GKN1: variants seen among roughly 807,000 people sequenced by gnomAD.
GKN1 encodes the protein gastrokine-1.
A neutral mutation model predicts 19.7 loss-of-function variants in GKN1; 17 were observed. That is an observed-to-expected ratio of 0.86 (90% confidence interval 0.59 to 1.29). GKN1 has a LOEUF of 1.29. Among genes scored for constraint, GKN1 ranks in the 50% most tolerant of loss-of-function variants. GKN1 has a pLI of 0.00. For synonymous variants in GKN1, 96 were observed against 78.3 expected, an observed-to-expected ratio of 1.23 and a Z score of -1.20; for missense variants, 218 against 224.5, an observed-to-expected ratio of 0.97 and a Z score of 0.19.
At chr2:68,976,885 CATAAT>C (rs1670269599) in intron 1 of GKN1, among the ~76,000 whole-genome samples, 1 of 152,106 alleles carries the variant, frequency 6.6e-6, no homozygotes. Flanking sequence ...GTTTATATTA[CATAAT>C]ATAATTCAAC....
rs748381448 is a variant in GKN1 at position 68,978,329 on chromosome 2, AAGAG to A, written c.205-538_205-535del. ...AAGAAAGAAAAAGAAAAAAGAGAGA[AAGAG>A]AGAAGGAAAGAAAGAGAGAAGGAAA... On this transcript the variant is annotated intron_variant, in intron 3 of 5. Transcript: ENST00000377938. 6.6e-4 allele frequency among the ~76,000 whole-genome samples: 100 copies of A among 150,548 alleles called. 1 individual carries two copies. Among genetic ancestry groups the A allele is most frequent in the Admixed American group, 8.6e-4 (13 of 15,172 alleles).
chr2:68,979,050 G>T, intron 4 of GKN1, 69 bp downstream of exon 4: 2 of 756,390 alleles, frequency 2.6e-6, no homozygotes, highest in Non-Finnish European at 2.3e-6. Flanking sequence ...ATAACGAGAA[G>T]ATCACAGTCA....
intron 1 of GKN1, among the ~76,000 whole-genome samples, chr2:68,977,190 A>G (rs1670273622): frequency 6.6e-6 from 1 of 152,182 alleles, no homozygotes; most frequent in Non-Finnish European, 1.5e-5. Flanking sequence ...ATGAGATGAA[A>G]GCAGCTTTCC....
chr2:68,979,925 G>A lies in GKN1; in HGVS notation c.328G>A (p.Gly110Arg). 1 of 1,613,496 alleles carries A rather than the reference G, an allele frequency of 6.2e-7. No homozygotes were observed. Among genetic ancestry groups the A allele is most frequent in the Non-Finnish European group, 8.5e-7 (1 of 1,179,478 alleles). Residue 110 changes from glycine (G) to arginine (R), a missense_variant, in exon 5 of 6, where the codon GGA becomes AGA. Gly to Arg is a moderately radical substitution (Grantham distance 125). Transcript: ENST00000377938. ...LVKEKKLQGK[G>R]PGGPPPKGLM... ...TTTCCACACTCAGCTTCAGGGTAAG[G>A]GACCAGGAGGACCACCTCCCAAGGG...
intron 4 of GKN1, 44 bp downstream of exon 4, chr2:68,979,025 T>C: frequency 1.1e-6 from 1 of 895,226 alleles, no homozygotes; most frequent in Non-Finnish European, 1.9e-6. Context: ...GGAGAGGTTT[T>C]ACATCCTTCA....
chr2:68,979,077 G>A, intron 4 of GKN1, 96 bp downstream of exon 4: 6 of 662,960 alleles, frequency 9.1e-6, no homozygotes, highest in Non-Finnish European at 1.6e-5. Flanking sequence ...CTTGACTACA[G>A]TATGTTGTAG....
chr2:68,979,814 C>T (rs908572664), intron 4 of GKN1, 99 bp from the exon 5 acceptor site: 61 of 917,918 alleles, frequency 6.6e-5, no homozygotes, highest in Non-Finnish European at 9.4e-5. Flanking sequence ...CTGAGCAACA[C>T]TCACTGTTGG....
chr2:68,979,048 A>G (rs1009910391), intron 4 of GKN1, 67 bp downstream of exon 4: 1 of 764,176 alleles, frequency 1.3e-6, no homozygotes, highest in African/African-American at 1.8e-5. Flanking sequence ...AAATAACGAG[A>G]AGATCACAGT....
chr2:68,976,294 A>G (rs1018414056), intron 1 of GKN1, among the ~76,000 whole-genome samples: 2 of 152,144 alleles, frequency 1.3e-5, no homozygotes, highest in African/African-American at 4.8e-5. Context: ...ATACTATGCT[A>G]TTTATTGTAA....
intron 2 of GKN1, 34 bp downstream of exon 2, chr2:68,977,582 T>C: frequency 6.2e-7 from 1 of 1,605,154 alleles, no homozygotes; most frequent in South Asian, 1.1e-5. Context: ...GCTACCAAAA[T>C]GCATTTGCAA....
chr2:68,974,833 AG>A (rs1285306116), intron 1 of GKN1, 144 bp downstream of exon 1: 1 of 644,528 alleles, frequency 1.6e-6, no homozygotes, highest in Non-Finnish European at 2.9e-6. Context: ...GGACACAGAG[AG>A]GGGAACAACA....
chr2:68,977,616 T>C (rs1226958208), intron 2 of GKN1, 21 bp from the exon 3 acceptor site: 1 of 1,607,676 alleles, frequency 6.2e-7, no homozygotes. Context: ...TAAATCACTC[T>C]CAATCTCTTA....
chr2:68,978,093 A>G (rs537670353), intron 3 of GKN1: 4 of 288,604 alleles, frequency 1.4e-5, no homozygotes, highest in Non-Finnish European at 2.6e-5. Flanking sequence ...CTTATACAAC[A>G]TTACTGCTTC....
At chr2:68,977,856 A>T in intron 3 of GKN1, 82 bp downstream of exon 3, 1 of 1,117,932 alleles carries the variant, frequency 8.9e-7, no homozygotes, top group East Asian at 2.4e-5. Context: ...GTTAACCATA[A>T]AGAAATTAAA....
intron 4 of GKN1, 123 bp from the exon 5 acceptor site, chr2:68,979,790 A>T: frequency 1.4e-6 from 1 of 711,342 alleles, no homozygotes; most frequent in Non-Finnish European, 2.4e-6. Flanking sequence ...CATCTTGATT[A>T]TGGAAAAATT....
intron 3 of GKN1, among the ~76,000 whole-genome samples, chr2:68,978,316 GA>G (rs1670307959): frequency 7.0e-6 from 1 of 142,078 alleles, no homozygotes; most frequent in African/African-American, 2.7e-5. Context: ...GAAAGAAAAA[GA>G]AAAAAGAGAG....
chr2:68,977,893 CA>C, intron 3 of GKN1, 119 bp downstream of exon 3: 1 of 633,830 alleles, frequency 1.6e-6, no homozygotes, highest in Non-Finnish European at 2.3e-6. Context: ...ACATAGCATA[CA>C]GTTATAAGTA....
intron 3 of GKN1, among the ~76,000 whole-genome samples, chr2:68,978,296 G>GAAAGAA (rs796222573): frequency 3.9e-5 from 4 of 102,436 alleles, no homozygotes; most frequent in East Asian, 3.7e-4. Flanking sequence ...AAGAAAGAAA[G>GAAAGAA]AGAGAGAAAG....
intron 1 of GKN1, among the ~76,000 whole-genome samples, chr2:68,976,910 T>C (rs1050810828): frequency 1.3e-5 from 2 of 152,182 alleles, no homozygotes; most frequent in Admixed American, 1.3e-4. Context: ...CAAAACAGCA[T>C]TCTGACCAAT....
Sources: allele counts gnomAD v4.1 joint callset (sites outside exome capture counted in the v4.1 genomes callset), GRCh38; gene constraint gnomAD v4.1.1; transcripts MANE v1.5; gene names NCBI Gene and HGNC (gene_info 2026-07-23, HGNC 2026-07-21).